SLIT3: variants seen among roughly 807,000 people sequenced by gnomAD.
SLIT3 encodes slit homolog 3 protein.
SLIT3 carries 68 observed loss-of-function variants against 184.0 expected under a neutral mutation model. That is an observed-to-expected ratio of 0.37 (90% confidence interval 0.30 to 0.45). The LOEUF (loss-of-function observed/expected upper bound fraction) is 0.45. SLIT3 is among the 20% of genes least tolerant of loss of function. The probability of loss-of-function intolerance (pLI) is 1.00; values close to 1 mark genes in which losing one functional copy is unlikely to be tolerated. For missense variants in SLIT3, 1,707 were observed against 2,026.0 expected (o/e 0.84, Z 3.02); for synonymous variants, 831 against 828.6 (o/e 1.00, Z -0.05).
intron 6 of SLIT3, among the ~76,000 whole-genome samples, chr5:168,836,727 G>A (rs56971710): frequency 3.3e-4 from 50 of 152,122 alleles, no homozygotes; most frequent in African/African-American, 1.1e-3. Flanking sequence ...CGCTACTCAC[G>A]GGAGAAGTTA....
intron 6 of SLIT3, among the ~76,000 whole-genome samples, chr5:168,824,411 G>A (rs989214985): frequency 3.9e-5 from 6 of 152,200 alleles, no homozygotes; most frequent in African/African-American, 9.6e-5. Context: ...AGACTGAAAT[G>A]AGGCTGTTGA....
chr5:169,075,802 C>G (rs1038473628), intron 4 of SLIT3, among the ~76,000 whole-genome samples: 1 of 152,226 alleles, frequency 6.6e-6, no homozygotes, highest in African/African-American at 2.4e-5. Context: ...TCATCTAGTA[C>G]TTTCTCCAGC....
chr5:168,753,243 G>A (rs1373973040), intron 17 of SLIT3, 145 bp from the exon 18 acceptor site: 1 of 786,476 alleles, frequency 1.3e-6, no homozygotes, highest in African/African-American at 1.7e-5. Context: ...GGTTTGTCCT[G>A]TGATAGCAGG....
At chr5:168,687,437 C>G (rs1761780349) in intron 29 of SLIT3, among the ~76,000 whole-genome samples, 1 of 152,228 alleles carries the variant, frequency 6.6e-6, no homozygotes. Context: ...AGGCACTGTG[C>G]TATGCCCCTT....
At chr5:169,222,156 C>T (rs1222825371) in intron 3 of SLIT3, among the ~76,000 whole-genome samples, 1 of 152,124 alleles carries the variant, frequency 6.6e-6, no homozygotes, top group African/African-American at 2.4e-5. Context: ...CACATACTAC[C>T]TTGTTATTCT....
intron 4 of SLIT3, among the ~76,000 whole-genome samples, chr5:168,940,737 A>G (rs914650342): frequency 6.6e-6 from 1 of 152,184 alleles, no homozygotes; most frequent in Non-Finnish European, 1.5e-5. Context: ...TTATTTGCTA[A>G]TATGCCTAAT....
intron 9 of SLIT3, among the ~76,000 whole-genome samples, chr5:168,798,371 A>T (rs116578984): frequency 1.9e-3 from 290 of 151,994 alleles, no homozygotes; most frequent in African/African-American, 6.6e-3. Flanking sequence ...CCACAGGCCC[A>T]TATTACCATG....
At chr5:169,051,496 G>A (rs1371060963) in intron 4 of SLIT3, among the ~76,000 whole-genome samples, 1 of 152,188 alleles carries the variant, frequency 6.6e-6, no homozygotes, top group Non-Finnish European at 1.5e-5. Context: ...GGAATCAATA[G>A]ACAGCTGTTC....
chr5:169,237,557 C>A (rs1561758326), intron 3 of SLIT3, among the ~76,000 whole-genome samples: 1 of 152,206 alleles, frequency 6.6e-6, no homozygotes, highest in Non-Finnish European at 1.5e-5. Flanking sequence ...TACTCCACCT[C>A]ACCAGCAATT....
In SLIT3 at chr5:168,881,756, T is replaced by G. The variant is rs12517963; in HGVS notation, c.485+1509A>C. 6.5e-3 allele frequency among the ~76,000 whole-genome samples: 991 copies of G among 152,330 alleles called. 41 individuals carry two copies. The highest frequency in any genetic ancestry group is 0.06 in the Admixed American group (917 of 15,308). ...GATGAGAGATCTCTCATTATTTATT[T>G]AGTGGTTTTGAAGGTTTGGCTTTTC... is the stretch of plus-strand genomic sequence containing the variant. On this transcript the variant is annotated intron_variant, in intron 5 of 35. Coordinates refer to ENST00000519560, the MANE Select transcript of SLIT3 (RefSeq NM_003062.4).
At chr5:169,259,307 C>T (rs993575997) in intron 1 of SLIT3, among the ~76,000 whole-genome samples, 3 of 152,192 alleles carry the variant, frequency 2.0e-5, no homozygotes, top group Admixed American at 6.5e-5. Context: ...GATCCAACCG[C>T]CTCAGCCTCC....
intron 4 of SLIT3, among the ~76,000 whole-genome samples, chr5:169,081,553 TAG>T (rs1561650973): frequency 1.3e-5 from 2 of 152,090 alleles, no homozygotes; most frequent in African/African-American, 4.8e-5. Context: ...CCGGATGTTT[TAG>T]AGTCTTCTTC....
chr5:169,189,748 A>G (rs1763488179), intron 4 of SLIT3, among the ~76,000 whole-genome samples: 1 of 151,834 alleles, frequency 6.6e-6, no homozygotes, highest in Non-Finnish European at 1.5e-5. Flanking sequence ...GTTGTATGAT[A>G]TTGTTCAAAT....
intron 4 of SLIT3, among the ~76,000 whole-genome samples, chr5:169,130,878 AATGAT>A (rs1761272195): frequency 6.6e-6 from 1 of 152,218 alleles, no homozygotes; most frequent in Admixed American, 6.5e-5. Flanking sequence ...CATGCTACAG[AATGAT>A]AGAGTATACT....
intron 5 of SLIT3, among the ~76,000 whole-genome samples, chr5:168,865,173 C>CA (rs70979103): frequency 0.31 from 17,105 of 55,998 alleles, 2,402 homozygotes; most frequent in Non-Finnish European, 0.36. Context: ...AACTCCGTCT[C>CA]AAAAAAAAAA....
chr5:168,816,308 T>C (rs1373933049), intron 8 of SLIT3, among the ~76,000 whole-genome samples: 1 of 152,198 alleles, frequency 6.6e-6, no homozygotes, highest in African/African-American at 2.4e-5. Context: ...TGCCTCAGCC[T>C]CCTGAGTAGC....
intron 4 of SLIT3, among the ~76,000 whole-genome samples, chr5:169,110,158 T>G (rs937678498): frequency 7.9e-5 from 12 of 152,154 alleles, no homozygotes; most frequent in African/African-American, 2.7e-4. Flanking sequence ...ATGAGTAAAG[T>G]CTTAATGGTG....
intron 23 of SLIT3, among the ~76,000 whole-genome samples, chr5:168,716,564 A>G (rs1344071341): frequency 6.6e-6 from 1 of 152,284 alleles, no homozygotes; most frequent in African/African-American, 2.4e-5. Flanking sequence ...AGTTACCCAC[A>G]TAGGGTAGAA....
chr5:168,761,594 G>A lies in SLIT3; in HGVS notation c.1611-658C>T, dbSNP rs181274326. On this transcript the variant is annotated intron_variant, in intron 15 of 35. Coordinates refer to ENST00000519560, the MANE Select transcript of SLIT3 (RefSeq NM_003062.4). ...ATTATCTCCCCCATTTGACAGCTAA[G>A]AAACTGAGTCTCAGATCCAAGGAGC... is the stretch of plus-strand genomic sequence containing the variant. 7.1e-3 allele frequency among the ~76,000 whole-genome samples: 1,085 copies of A among 152,222 alleles called. 10 individuals are homozygous for A. The highest frequency in any genetic ancestry group is 0.011 in the Non-Finnish European group (735 of 68,014).
Sources: gnomAD v4.1 joint callset for allele counts (sites outside exome capture counted in the v4.1 genomes callset) on GRCh38, gnomAD v4.1.1 for gene constraint, MANE v1.5 for transcripts, NCBI Gene and HGNC (gene_info 2026-07-23, HGNC 2026-07-21) for gene names.